Variants in FBXW7 observed in about 807,000 individuals in gnomAD.
FBXW7 encodes the protein F-box and WD repeat domain containing 7.
A neutral mutation model predicts 86.3 loss-of-function variants in FBXW7; 11 were observed. The ratio of observed to expected loss-of-function variants is 0.13; its 90% CI spans 0.08 to 0.21. FBXW7 has a LOEUF of 0.21. FBXW7 is among the 10% of genes least tolerant of loss of function. The probability of loss-of-function intolerance (pLI) is 1.00; values close to 1 mark genes in which losing one functional copy is unlikely to be tolerated. For synonymous variants in FBXW7, 313 were observed against 297.9 expected (o/e 1.05, Z -0.52); for missense variants, 488 against 847.4 (o/e 0.58, Z 5.27).
intron 3 of FBXW7, 151 bp from the exon 4 acceptor site, chr4:152,412,023 T>C (rs912591100): frequency 1.2e-5 from 8 of 643,122 alleles, no homozygotes; most frequent in Admixed American, 3.6e-5. Context: ...GTAAACAATA[T>C]AGAACATTTC....
chr4:152,435,281 CCTTT>C (rs1370910498), intron 2 of FBXW7, among the ~76,000 whole-genome samples: 23 of 152,230 alleles, frequency 1.5e-4, no homozygotes, highest in Admixed American at 3.3e-4. Flanking sequence ...CTTCCTTGAT[CCTTT>C]CTTTATTTTC....
At chr4:152,406,111 A>G (rs1737399552) in intron 4 of FBXW7, among the ~76,000 whole-genome samples, 1 of 152,212 alleles carries the variant, frequency 6.6e-6, no homozygotes, top group Non-Finnish European at 1.5e-5. Flanking sequence ...GGATCAGATC[A>G]TTATAATACA....
chr4:152,482,965 T>A (rs1260637642), intron 2 of FBXW7, among the ~76,000 whole-genome samples: 1 of 152,126 alleles, frequency 6.6e-6, no homozygotes, highest in Admixed American at 6.6e-5. Context: ...GTTTCATGAA[T>A]AATGTGGGAT....
intron 2 of FBXW7, among the ~76,000 whole-genome samples, chr4:152,507,877 C>T (rs1266539223): frequency 2.0e-5 from 3 of 151,162 alleles, no homozygotes; most frequent in African/African-American, 7.3e-5. Context: ...CACAGCAAGA[C>T]TCTGTCTCTA....
intron 2 of FBXW7, among the ~76,000 whole-genome samples, chr4:152,454,813 T>G (rs1486317164): frequency 6.6e-6 from 1 of 152,130 alleles, no homozygotes; most frequent in East Asian, 1.9e-4. Flanking sequence ...ATTTGTAAGT[T>G]GTATCCACTA....
intron 4 of FBXW7, chr4:152,382,312 A>C (rs778264640): frequency 6.3e-7 from 1 of 1,587,014 alleles, no homozygotes. Flanking sequence ...CATGGTTTAG[A>C]GTAGGTTTTC....
chr4:152,497,107 G>A (rs976889250), intron 2 of FBXW7, among the ~76,000 whole-genome samples: 1 of 152,032 alleles, frequency 6.6e-6, no homozygotes, highest in African/African-American at 2.4e-5. Context: ...CAGATCACCC[G>A]AGGTCAGGAG....
At chr4:152,419,045 T>C (rs1738706931) in intron 2 of FBXW7, among the ~76,000 whole-genome samples, 2 of 152,152 alleles carry the variant, frequency 1.3e-5, no homozygotes, top group Non-Finnish European at 2.9e-5. Context: ...CCTGACCATA[T>C]CACCGAGTAA....
In FBXW7 at chr4:152,328,398, A is replaced by G. The variant is rs1729250782; in HGVS notation, c.1237-9T>C. On this transcript the variant is annotated splice_polypyrimidine_tract_variant and intron_variant, in intron 10 of 13. Transcript: ENST00000281708. The stretch of plus-strand genomic sequence containing the variant: ...ACTAATGTTCTCAGACACTGGAAAA[A>G]CACTTAAGATGATTACTTTTGGGTA... 2 of 1,469,808 alleles carry G rather than the reference A, an allele frequency of 1.4e-6. No homozygotes were observed. Among genetic ancestry groups the G allele is most frequent in the Admixed American group, 5.2e-5 (2 of 38,192 alleles). 91.0% of individuals were successfully genotyped at this position (1,469,808 alleles called of 1,614,324 possible). A position where few individuals can be genotyped will look rare whatever the true frequency, so the allele number is the denominator to read the frequency against.
chr4:152,427,728 T>C (rs1236423922), intron 2 of FBXW7, among the ~76,000 whole-genome samples: 3 of 152,242 alleles, frequency 2.0e-5, no homozygotes, highest in Non-Finnish European at 4.4e-5. Flanking sequence ...TGTTTTGTTA[T>C]GTGAGTTCTA....
At chr4:152,395,578 A>C (rs1736352735) in intron 4 of FBXW7, among the ~76,000 whole-genome samples, 1 of 152,060 alleles carries the variant, frequency 6.6e-6, no homozygotes, top group Admixed American at 6.6e-5. Flanking sequence ...TGGCAGTTTA[A>C]TAACTAAAAT....
chr4:152,507,736 G>C (rs916881160), intron 2 of FBXW7, among the ~76,000 whole-genome samples: 1 of 152,132 alleles, frequency 6.6e-6, no homozygotes, highest in Admixed American at 6.5e-5. Context: ...GAAGAGACTA[G>C]AACATTTTGC....
intron 2 of FBXW7, among the ~76,000 whole-genome samples, chr4:152,459,853 G>C (rs1431289229): frequency 1.3e-5 from 2 of 152,164 alleles, no homozygotes; most frequent in African/African-American, 4.8e-5. Context: ...CCTATTTTCA[G>C]ACCATGGATG....
At position 152,346,750 on chromosome 4, in the gene FBXW7, A is replaced by G. The variant is rs1039886081; in HGVS notation, c.726+180T>C. On this transcript the variant is annotated intron_variant, in intron 6 of 13. Coordinates refer to ENST00000281708, the MANE Select transcript of FBXW7 (RefSeq NM_001349798.2). ...TGGATTTGCCTATTCTGGACATTTCATATAAAGAGAATCAACATGTGGCCT... is the reference window on the plus strand; with the variant it reads ...TGGATTTGCCTATTCTGGACATTTCGTATAAAGAGAATCAACATGTGGCCT... 1.7e-5 allele frequency: 13 copies of G among 746,700 alleles called. No individual in the cohort carries two copies. In the African/African-American group the frequency reaches 2.3e-4, roughly 13 times the overall value. 46.3% of individuals were successfully genotyped at this position (746,700 alleles called of 1,614,324 possible).
intron 8 of FBXW7, among the ~76,000 whole-genome samples, chr4:152,332,094 G>GA (rs1317000905): frequency 1.3e-5 from 2 of 150,130 alleles, no homozygotes; most frequent in African/African-American, 2.5e-5. Flanking sequence ...TGTCTGCTGG[G>GA]AAAAAAAACA....
At chr4:152,499,523 ACT>A (rs1197210773) in intron 2 of FBXW7, among the ~76,000 whole-genome samples, 3 of 151,860 alleles carry the variant, frequency 2.0e-5, no homozygotes, top group Non-Finnish European at 4.4e-5. Flanking sequence ...TACAAACAAG[ACT>A]CTCTCTGTTC....
chr4:152,431,276 T>C (rs1739866132), intron 2 of FBXW7, among the ~76,000 whole-genome samples: 1 of 152,218 alleles, frequency 6.6e-6, no homozygotes, highest in African/African-American at 2.4e-5. Flanking sequence ...GGCATTTATT[T>C]GCATTTCATG....
At chr4:152,354,243 C>T (rs2676329) in intron 4 of FBXW7, among the ~76,000 whole-genome samples, 77,125 of 151,782 alleles carry the variant, frequency 0.51, 23,797 homozygotes, top group Non-Finnish European at 0.7. Flanking sequence ...AAATCTCCTA[C>T]CTGGCTCTTA....
chr4:152,420,818 G>C (rs945937899), intron 2 of FBXW7, among the ~76,000 whole-genome samples: 2 of 152,128 alleles, frequency 1.3e-5, no homozygotes, highest in African/African-American at 4.8e-5. Context: ...TCCATTTACA[G>C]AGCATGGGCA....
Sources: gnomAD v4.1 joint callset for allele counts (sites outside exome capture counted in the v4.1 genomes callset) on GRCh38, gnomAD v4.1.1 for gene constraint, MANE v1.5 for transcripts, NCBI Gene and HGNC (gene_info 2026-07-23, HGNC 2026-07-21) for gene names.